The following DDX11 variants were observed in gnomAD, a reference collection of about 807,000 sequenced individuals.
The protein encoded by DDX11 is ATP-dependent DNA helicase DDX11.
Under a neutral mutation model 125.2 loss-of-function variants are expected in DDX11, and 72 were observed. That is an observed-to-expected ratio of 0.58 (90% CI 0.48 to 0.70). DDX11 has a LOEUF of 0.70. DDX11 is among the 30% of genes least tolerant of loss of function. The probability of loss-of-function intolerance (pLI) is 0.00; values close to 1 mark genes in which losing one functional copy is unlikely to be tolerated. For synonymous variants in DDX11, 347 were observed against 452.6 expected (o/e 0.77, Z 2.96); for missense variants, 883 against 1,165.0 (o/e 0.76, Z 3.52).
intron 3 of DDX11, among the ~76,000 whole-genome samples, 185 bp from the exon 4 acceptor site, chr12:31,084,398 T>TGAGCAGC (rs1234006795): frequency 6.6e-6 from 1 of 152,180 alleles, no homozygotes; most frequent in African/African-American, 2.4e-5. Context: ...CCTTCCGCAG[T>TGAGCAGC]GAGCAGCGAG....
intron 2 of DDX11, among the ~76,000 whole-genome samples, chr12:31,080,100 A>C (rs900524348): frequency 1.5e-5 from 2 of 137,602 alleles, no homozygotes; most frequent in African/African-American, 5.7e-5. Context: ...AGGGCACAGA[A>C]AGGCTGAGTC....
chr12:31,097,987 C>A lies in DDX11; in HGVS notation c.1865C>A (p.Thr622Asn). 1 of 1,613,500 alleles carries A rather than the reference C, an allele frequency of 6.2e-7. No individual in the cohort carries two copies. The highest frequency in any genetic ancestry group is 8.5e-7 in the Non-Finnish European group (1 of 1,179,570). ...CGGGCAGTGGTCATTGCGGGGGGTACCATGCAGCCGGTAAGGACACCTTTC... is the reference window on the plus strand; with the variant it reads ...CGGGCAGTGGTCATTGCGGGGGGTAACATGCAGCCGGTAAGGACACCTTTC... Reference protein sequence around the residue: ...ECRAVVIAGGTMQPVSDFRQQ... With the variant: ...ECRAVVIAGGNMQPVSDFRQQ... Residue 622 changes from threonine (T) to asparagine (N), a missense_variant, in exon 18 of 27, where the codon ACC becomes AAC. Transcript: ENST00000542838.
In DDX11 at chr12:31,096,931, G is replaced by A; in HGVS notation, c.1703G>A (p.Gly568Asp). ...RPASPLMHIQ[G>D]FLAALTTANQ... is the part of the protein sequence containing the mutation. ...GCTTCTCCACTGATGCACATCCAAG[G>A]CTTCCTGGCAGCTCTCACTACGGCC... Residue 568 changes from glycine (G) to aspartate (D), a missense_variant, in exon 17 of 27, where the codon GGC becomes GAC. Coordinates refer to ENST00000542838, the MANE Select transcript of DDX11 (RefSeq NM_030653.4). 5 of 1,614,094 alleles carry A rather than the reference G, an allele frequency of 3.1e-6. No individual in the cohort carries two copies. Among genetic ancestry groups the A allele is most frequent in the East Asian group, 2.2e-5 (1 of 44,868 alleles).
Position 31,088,454 on chromosome 12 carries a change from T to C in DDX11, c.684+471T>C, listed in dbSNP as rs564400252. Among the ~76,000 whole-genome samples the C allele has an allele frequency of 1.2e-4, 19 of 152,328 alleles. No individual in the cohort carries two copies. The South Asian group carries it at 2.5e-3, about 20-fold the overall frequency. Reference sequence around the variant, plus strand: ...AGTCCCCTGCCCTTTGGGTCTCTCATGGTGTGCTTCTCCCTTTGTCTGTGT... The same window carrying C: ...AGTCCCCTGCCCTTTGGGTCTCTCACGGTGTGCTTCTCCCTTTGTCTGTGT... On this transcript the variant is annotated intron_variant, in intron 6 of 26. Transcript: ENST00000542838.
intron 12 of DDX11, chr12:31,093,586 C>G (rs1239155277): frequency 2.1e-5 from 10 of 465,508 alleles, no homozygotes; most frequent in South Asian, 1.9e-4. Context: ...GGAGTGTTGC[C>G]GTGGCCTGTA....
rs538124837 is a variant in DDX11, at chr12:31,078,614, A to G, written c.144+77A>G. On this transcript the variant is annotated intron_variant, in intron 2 of 26. Transcript: ENST00000542838. ...ACTAGCTTTTCCTGTTTGCCTATCC[A>G]GAGATTTTCATAGTTTGAAGTTGGG... 94 of 1,607,654 alleles carry G rather than the reference A, an allele frequency of 5.8e-5. No individual in the cohort carries two copies. The African/African-American group carries it at 1.1e-3, about 19-fold the overall frequency.
chr12:31,083,644 C>A (rs1942456355), intron 2 of DDX11, among the ~76,000 whole-genome samples, 169 bp from the exon 3 acceptor site: 1 of 152,022 alleles, frequency 6.6e-6, no homozygotes, highest in South Asian at 2.1e-4. Context: ...TTCTGTTTTT[C>A]CTGGCTATTC....
At chr12:31,093,394 C>CA (rs1565895790) in intron 12 of DDX11, 70 bp downstream of exon 12, 1 of 1,589,228 alleles carries the variant, frequency 6.3e-7, no homozygotes, top group Non-Finnish European at 8.6e-7. Context: ...CTTGGATGCC[C>CA]ATCAGGACAC....
chr12:31,093,532 A>G, intron 12 of DDX11: 1 of 706,976 alleles, frequency 1.4e-6, no homozygotes, highest in Admixed American at 2.2e-5. Flanking sequence ...CCTGGCCAAC[A>G]TGGTGAAATC....
At chr12:31,102,568 G>A (rs1946581343) in intron 23 of DDX11, 41 bp downstream of exon 23, 1 of 1,585,508 alleles carries the variant, frequency 6.3e-7, no homozygotes, top group African/African-American at 1.3e-5. Flanking sequence ...CGTGATACAT[G>A]GCCGGCCCTC....
intron 23 of DDX11, 195 bp from the exon 24 acceptor site, chr12:31,102,741 C>G (rs576702307): frequency 1.4e-6 from 1 of 717,294 alleles, no homozygotes; most frequent in East Asian, 2.7e-5. Flanking sequence ...TATCAGGACC[C>G]AGTCAATTGG....
At position 31,104,184 on chromosome 12, in the gene DDX11, C is replaced by T. The variant is rs1946883745; in HGVS notation, c.*348C>T. 18 of 1,314,846 alleles carry T rather than the reference C, an allele frequency of 1.4e-5. No homozygotes were observed. Among genetic ancestry groups the T allele is most frequent in the South Asian group, 1.2e-4 (8 of 64,152 alleles). The allele number at this position is 1,314,846 out of a possible 1,614,324, so 81.4% of individuals were successfully genotyped here. ...GCTGTGGCATCCACTGTGGCATCTC[C>T]GTCCTGCCCACCTTCTTAAGAGGCG... is the stretch of plus-strand genomic sequence containing the variant. On this transcript the variant is annotated 3_prime_UTR_variant, in exon 27 of 27. Coordinates refer to ENST00000542838, the MANE Select transcript of DDX11 (RefSeq NM_030653.4).
chr12:31,078,203 C>T (rs1941082040), intron 1 of DDX11, 187 bp from the exon 2 acceptor site: 5 of 1,527,806 alleles, frequency 3.3e-6, no homozygotes, highest in South Asian at 1.2e-5. Context: ...AGATGGAGTG[C>T]GTGATTCTGG....
At chr12:31,092,543 A>G (rs1271839492) in intron 10 of DDX11, among the ~76,000 whole-genome samples, 8 of 132,992 alleles carry the variant, frequency 6.0e-5, no homozygotes, top group East Asian at 2.6e-4. Context: ...TGTAGACTCC[A>G]GGTCTTTTCC....
At chr12:31,077,688 A>C in intron 1 of DDX11, among the ~76,000 whole-genome samples, 1 of 151,948 alleles carries the variant, frequency 6.6e-6, no homozygotes, top group Non-Finnish European at 1.5e-5. Flanking sequence ...TCTACCAAAA[A>C]AAAAAATTAG....
At chr12:31,100,541 T>C in intron 18 of DDX11, 94 bp from the exon 19 acceptor site, 2 of 1,108,728 alleles carry the variant, frequency 1.8e-6, no homozygotes, top group African/African-American at 3.1e-5. Context: ...TCAGTTTGTG[T>C]GTACTTGCTG....
In DDX11 at chr12:31,078,449, C is replaced by G. The variant is rs868073588; in HGVS notation, c.56C>G (p.Pro19Arg). ...ATCCATTTTCCTTTTCCCTTCACACCCTATTCCATCCAGGAAGACTTCATG... is the reference window on the plus strand; with the variant it reads ...ATCCATTTTCCTTTTCCCTTCACACGCTATTCCATCCAGGAAGACTTCATG... ...GAIHFPFPFT[P>R]YSIQEDFMAE... Residue 19 changes from proline to arginine, a missense_variant, in exon 2 of 27, where the codon CCC (proline) becomes CGC (arginine). By Grantham distance (103) the Pro-to-Arg change is moderately radical (BLOSUM62 -2). This residue lies in a region of DDX11 where 283 missense variants were observed against 359.6 expected (regional missense o/e 0.79). Transcript: ENST00000542838. The G allele has an allele frequency of 1.2e-6, 2 of 1,610,868 alleles. No homozygotes were observed. Among genetic ancestry groups the G allele is most frequent in the African/African-American group, 2.7e-5 (2 of 74,778 alleles).
In DDX11 at chr12:31,096,387, C is replaced by T; in HGVS notation, c.1521+8C>T. The T allele has an allele frequency of 6.2e-7, 1 of 1,613,276 alleles. No individual in the cohort carries two copies. The highest frequency in any genetic ancestry group is 8.5e-7 in the Non-Finnish European group (1 of 1,179,830). On this transcript the variant is annotated splice_region_variant and intron_variant, in intron 15 of 26. Transcript: ENST00000542838. ...AGCATGATCAGCAGAAAGGTAACTG[C>T]TCCCATCTTGTGGTCCTGAACAAGA...
rs372854800 is a variant in DDX11 at position 31,093,368 on chromosome 12, G to T, written c.1369+44G>T. The T allele has an allele frequency of 3.0e-4, 489 of 1,612,010 alleles. 3 individuals carry two copies. The highest frequency in any genetic ancestry group is 7.8e-4 in the South Asian group (71 of 90,780). ...TGCTGACCCCGGGCCTGCAAAACTC[G>T]CTGGGCTGCTTTTTCCTTGGATGCC... is the stretch of plus-strand genomic sequence containing the variant. On this transcript the variant is annotated intron_variant, in intron 12 of 26. Transcript: ENST00000542838.
Sources: gnomAD v4.1 joint callset for allele counts (sites outside exome capture counted in the v4.1 genomes callset) on GRCh38, gnomAD v4.1.1 for gene constraint, gnomAD v4.1.1 regional missense constraint, MANE v1.5 for transcripts, NCBI Gene and HGNC (gene_info 2026-07-23, HGNC 2026-07-21) for gene names.